MSRB3: variants seen among roughly 807,000 people sequenced by gnomAD.
MSRB3 encodes the protein methionine sulfoxide reductase B3, also known as methionine-R-sulfoxide reductase B3.
Under a neutral mutation model 21.0 loss-of-function variants are expected in MSRB3, and 13 were observed. The ratio of observed to expected loss-of-function variants is 0.62; its 90% CI spans 0.40 to 0.98. The LOEUF is 0.98. Ranked by LOEUF, MSRB3 falls within the 50% of genes least tolerant of loss-of-function variation. MSRB3 has a pLI of 0.00. For synonymous variants in MSRB3, 87 were observed against 88.6 expected (o/e 0.98, Z 0.10); for missense variants, 199 against 230.3 (o/e 0.86, Z 0.88).
At chr12:65,318,027 A>G (rs1874412298) in intron 2 of MSRB3, among the ~76,000 whole-genome samples, 1 of 152,152 alleles carries the variant, frequency 6.6e-6, no homozygotes, top group South Asian at 2.1e-4. Flanking sequence ...GACATTGAAT[A>G]ATGTCTTCCC....
At chr12:65,344,671 G>A (rs1332829772) in intron 4 of MSRB3, among the ~76,000 whole-genome samples, 4 of 151,476 alleles carry the variant, frequency 2.6e-5, no homozygotes, top group Admixed American at 6.6e-5. Flanking sequence ...AAGTTTATAC[G>A]GTGTGAAGAG....
intron 4 of MSRB3, among the ~76,000 whole-genome samples, chr12:65,334,013 T>G (rs183288347): frequency 2.8e-4 from 43 of 152,340 alleles, no homozygotes; most frequent in African/African-American, 9.6e-4. Flanking sequence ...GAAATAGGGA[T>G]GTTAATTAAC....
intron 4 of MSRB3, among the ~76,000 whole-genome samples, chr12:65,342,446 C>T (rs965036833): frequency 6.6e-6 from 1 of 151,688 alleles, no homozygotes; most frequent in South Asian, 2.1e-4. Flanking sequence ...TTTTACCTAC[C>T]AAATTAGTGA....
chr12:65,298,830 G>A (rs1006071772), intron 1 of MSRB3, among the ~76,000 whole-genome samples: 1 of 152,072 alleles, frequency 6.6e-6, no homozygotes, highest in Non-Finnish European at 1.5e-5. Context: ...ATGATTTAAG[G>A]ATATGTATTT....
intron 1 of MSRB3, among the ~76,000 whole-genome samples, chr12:65,292,928 C>T (rs1295773163): frequency 2.0e-5 from 3 of 151,744 alleles, no homozygotes; most frequent in African/African-American, 7.3e-5. Context: ...ACAGACAGAA[C>T]TAAAGCCATG....
At chr12:65,419,036 C>A in intron 5 of MSRB3, 1 of 708,798 alleles carries the variant, frequency 1.4e-6, no homozygotes, top group Non-Finnish European at 2.6e-6. Context: ...CAGGCCTCCA[C>A]CTCCCTCAGG....
intron 4 of MSRB3, among the ~76,000 whole-genome samples, chr12:65,351,116 C>A (rs1344846221): frequency 6.6e-6 from 1 of 152,190 alleles, no homozygotes; most frequent in East Asian, 1.9e-4. Context: ...AACTATCTCT[C>A]AGACCACAGT....
intron 5 of MSRB3, among the ~76,000 whole-genome samples, chr12:65,376,624 G>A (rs892485666): frequency 2.6e-5 from 4 of 150,980 alleles, no homozygotes; most frequent in Non-Finnish European, 2.9e-5. Context: ...AGTGGGAGGT[G>A]AACAATGAGA....
At chr12:65,340,119 A>G (rs2136471405) in intron 4 of MSRB3, among the ~76,000 whole-genome samples, 1 of 152,344 alleles carries the variant, frequency 6.6e-6, no homozygotes, top group Admixed American at 6.5e-5. Flanking sequence ...TATATCCAAG[A>G]AAATAGATGA....
intron 1 of MSRB3, chr12:65,279,535 T>C (rs1041588675): frequency 1.3e-5 from 2 of 152,208 alleles, no homozygotes; most frequent in Non-Finnish European, 2.9e-5. Context: ...TTTTGCTTTG[T>C]TTTTAAGCAG....
intron 2 of MSRB3, among the ~76,000 whole-genome samples, chr12:65,311,457 T>G (rs1873981522): frequency 6.6e-6 from 1 of 152,126 alleles, no homozygotes; most frequent in South Asian, 2.1e-4. Flanking sequence ...ATCTGTATCA[T>G]CATCAATTTC....
intron 5 of MSRB3, among the ~76,000 whole-genome samples, chr12:65,408,207 G>A (rs190361269): frequency 6.6e-6 from 1 of 152,154 alleles, no homozygotes; most frequent in African/African-American, 2.4e-5. Flanking sequence ...CAATTCTCCT[G>A]ACTCAGCCTC....
chr12:65,431,140 C>T (rs1029802334), intron 5 of MSRB3, among the ~76,000 whole-genome samples: 3 of 151,940 alleles, frequency 2.0e-5, no homozygotes, highest in African/African-American at 4.8e-5. Context: ...TGGAATTTCA[C>T]GTCTTTGTAG....
intron 1 of MSRB3, chr12:65,283,817 A>G (rs1431053021): frequency 6.6e-6 from 1 of 152,168 alleles, no homozygotes; most frequent in East Asian, 1.9e-4. Context: ...CTTTTATGGT[A>G]TCCTGCTTGC....
intron 4 of MSRB3, among the ~76,000 whole-genome samples, chr12:65,344,913 A>G (rs1254888730): frequency 6.6e-6 from 1 of 151,974 alleles, no homozygotes; most frequent in Non-Finnish European, 1.5e-5. Flanking sequence ...ATGTAGCAAG[A>G]TTATAGTGGA....
At chr12:65,398,332 G>A (rs540005040) in intron 5 of MSRB3, among the ~76,000 whole-genome samples, 3 of 152,098 alleles carry the variant, frequency 2.0e-5, no homozygotes, top group Non-Finnish European at 2.9e-5. Flanking sequence ...TCTCATTGTG[G>A]TTTTGATTTG....
rs200778091 is a variant in MSRB3, at chr12:65,278,799, C to G, written c.-118C>G. On this transcript the variant is annotated 5_prime_UTR_variant, in exon 1 of 7. Transcript: ENST00000308259. Reference sequence around the variant, plus strand: ...CCCGCGGCGGACCCTCCCGCGCCCCCTCTCGCTCTGCCTCTCCCTCTGCCT... The same window carrying G: ...CCCGCGGCGGACCCTCCCGCGCCCCGTCTCGCTCTGCCTCTCCCTCTGCCT... 20 of 1,571,640 alleles carry G rather than the reference C, an allele frequency of 1.3e-5. No individual in the cohort carries two copies. The highest frequency in any genetic ancestry group is 2.4e-5 in the East Asian group (1 of 42,504).
chr12:65,463,496 T>C lies in MSRB3; in HGVS notation c.*174T>C. 1 of 747,700 alleles carries C rather than the reference T, an allele frequency of 1.3e-6. No homozygotes were observed. Among genetic ancestry groups the C allele is most frequent in the South Asian group, 1.9e-5 (1 of 52,356 alleles). 46.3% of individuals were successfully genotyped at this position (747,700 alleles called of 1,614,324 possible). ...CCCTGGCCATCCATGTATTTTGCAA[T>C]TGACTAGATCAAGAACTGTTTATAG... On this transcript the variant is annotated 3_prime_UTR_variant, in exon 7 of 7. Coordinates refer to ENST00000308259, the MANE Select transcript of MSRB3 (RefSeq NM_001031679.3).
At chr12:65,334,515 A>T (rs1359829832) in intron 4 of MSRB3, among the ~76,000 whole-genome samples, 1 of 151,782 alleles carries the variant, frequency 6.6e-6, no homozygotes, top group African/African-American at 2.4e-5. Context: ...GAACAAATGG[A>T]ACACACAGAA....
Sources: gnomAD v4.1 joint callset for allele counts (sites outside exome capture counted in the v4.1 genomes callset) on GRCh38, gnomAD v4.1.1 for gene constraint, MANE v1.5 for transcripts, NCBI Gene and HGNC (gene_info 2026-07-23, HGNC 2026-07-21) for gene names.